ITGB5: variants seen among roughly 807,000 people sequenced by gnomAD.
ITGB5 encodes the protein integrin beta-5.
A neutral mutation model predicts 84.8 loss-of-function variants in ITGB5; 38 were observed. The ratio of observed to expected loss-of-function variants is 0.45; its 90% CI spans 0.35 to 0.59. ITGB5 has a LOEUF of 0.59. Among genes scored for constraint, ITGB5 ranks in the 20% least tolerant of loss-of-function variants. The pLI is 0.01. For missense variants in ITGB5, 905 were observed against 1,034.5 expected, an observed-to-expected ratio of 0.87 and a Z score of 1.72; for synonymous variants, 393 against 414.4, an observed-to-expected ratio of 0.95 and a Z score of 0.63.
At chr3:124,825,014 C>T (rs1006631514) in intron 5 of ITGB5, among the ~76,000 whole-genome samples, 7 of 151,958 alleles carry the variant, frequency 4.6e-5, no homozygotes, top group South Asian at 2.1e-4. Context: ...CTGGCTAACA[C>T]GGTGAAACCC....
At chr3:124,801,176 G>A (rs1185123671) in intron 9 of ITGB5, among the ~76,000 whole-genome samples, 1 of 152,188 alleles carries the variant, frequency 6.6e-6, no homozygotes, top group Non-Finnish European at 1.5e-5. Context: ...CCATGACGGG[G>A]TTCACTGGCT....
At chr3:124,870,333 C>T (rs1396338578) in intron 2 of ITGB5, among the ~76,000 whole-genome samples, 1 of 152,220 alleles carries the variant, frequency 6.6e-6, no homozygotes, top group Non-Finnish European at 1.5e-5. Context: ...TCATGGCCTG[C>T]ACCTAGCAGA....
Position 124,796,569 on chromosome 3 carries a change from C to A in ITGB5, c.1512G>T (p.Glu504Asp). Residue 504 changes from glutamate to aspartate, a missense_variant, in exon 10 of 15, where the codon GAG becomes GAT. Around this residue, in one of 3 missense-constraint regions of ITGB5, gnomAD observed 656 missense variants for 734.7 expected, o/e 0.89. Transcript: ENST00000296181. ...LGTRCECQDGENQSVYQNLCR... is the reference protein window; with the variant it reads ...LGTRCECQDGDNQSVYQNLCR... ...ACAGGTTCTGGTACACGCTCTGGTT[C>A]TCCCCATCCTGGCACTCGCACCTGG... The A allele has an allele frequency of 1.9e-6, 3 of 1,614,156 alleles. No homozygotes were observed. Among genetic ancestry groups the A allele is most frequent in the Non-Finnish European group, 2.5e-6 (3 of 1,180,036 alleles).
intron 8 of ITGB5, among the ~76,000 whole-genome samples, chr3:124,816,145 A>C (rs1035916769): frequency 6.6e-6 from 1 of 152,194 alleles, no homozygotes; most frequent in African/African-American, 2.4e-5. Context: ...AAAACAAGCC[A>C]AAAATCCTCA....
chr3:124,843,376 C>T (rs532123941), intron 4 of ITGB5, among the ~76,000 whole-genome samples: 8 of 152,174 alleles, frequency 5.3e-5, no homozygotes, highest in South Asian at 2.1e-4. Context: ...ACACTTGGTC[C>T]GGTTGGTTGC....
At chr3:124,767,270 C>T (rs532331211) in intron 12 of ITGB5, among the ~76,000 whole-genome samples, 29 of 152,300 alleles carry the variant, frequency 1.9e-4, no homozygotes, top group African/African-American at 5.5e-4. Context: ...TGCTGCTAGA[C>T]GGAGCTGTAA....
At chr3:124,779,753 C>T (rs186506208) in intron 10 of ITGB5, among the ~76,000 whole-genome samples, 1 of 152,224 alleles carries the variant, frequency 6.6e-6, no homozygotes, top group Non-Finnish European at 1.5e-5. Context: ...CTCGCTTAAC[C>T]TCTATAAACC....
intron 6 of ITGB5, 24 bp from the exon 7 acceptor site, chr3:124,819,858 G>A (rs775015282): frequency 2.0e-6 from 3 of 1,528,828 alleles, no homozygotes; most frequent in East Asian, 4.5e-5. Flanking sequence ...AAAAGTCAAG[G>A]CTATGACATT....
chr3:124,846,480 T>C (rs1193709191), intron 4 of ITGB5, among the ~76,000 whole-genome samples: 2 of 149,792 alleles, frequency 1.3e-5, no homozygotes, highest in Non-Finnish European at 3.0e-5. Flanking sequence ...GCCACTGAGA[T>C]TTGGAGACTC....
chr3:124,865,481 CTTTTTTTTTT>C (rs59446328), intron 2 of ITGB5, among the ~76,000 whole-genome samples: 2 of 93,296 alleles, frequency 2.1e-5, no homozygotes, highest in South Asian at 8.3e-4. Flanking sequence ...CGGCTTTTTT[CTTTTTTTTTT>C]TTTTTTTTTT....
intron 2 of ITGB5, among the ~76,000 whole-genome samples, chr3:124,865,787 C>T (rs1223168065): frequency 6.6e-6 from 1 of 150,938 alleles, no homozygotes; most frequent in African/African-American, 2.4e-5. Context: ...CATGCCTGGC[C>T]TTTTGCTGCT....
At chr3:124,846,655 C>T (rs1224798947) in intron 4 of ITGB5, among the ~76,000 whole-genome samples, 4 of 152,216 alleles carry the variant, frequency 2.6e-5, no homozygotes, top group East Asian at 3.9e-4. Flanking sequence ...AAACGCAGGC[C>T]GGATGCAGTG....
chr3:124,839,496 A>G (rs2064983474), intron 5 of ITGB5, among the ~76,000 whole-genome samples: 1 of 152,104 alleles, frequency 6.6e-6, no homozygotes, highest in South Asian at 2.1e-4. Context: ...ATACTCAGAC[A>G]CTGCTTAGGC....
chr3:124,898,636 T>A (rs1579355512), intron 1 of ITGB5, among the ~76,000 whole-genome samples: 1 of 55,490 alleles, frequency 1.8e-5, no homozygotes, highest in Admixed American at 3.1e-4. Context: ...ACAGCGAGAC[T>A]CCGTCTCAAA....
intron 5 of ITGB5, among the ~76,000 whole-genome samples, chr3:124,840,389 T>G (rs890448022): frequency 6.6e-6 from 1 of 152,156 alleles, no homozygotes; most frequent in Non-Finnish European, 1.5e-5. Context: ...AAGAAGAGAC[T>G]CACAGATTTT....
intron 8 of ITGB5, among the ~76,000 whole-genome samples, chr3:124,813,557 G>A (rs757504399): frequency 6.6e-6 from 1 of 152,086 alleles, no homozygotes; most frequent in Non-Finnish European, 1.5e-5. Context: ...TCATCAATTT[G>A]CTAGAATGGC....
chr3:124,838,658 G>C (rs2064970508), intron 5 of ITGB5, among the ~76,000 whole-genome samples: 1 of 151,926 alleles, frequency 6.6e-6, no homozygotes, highest in Admixed American at 6.6e-5. Flanking sequence ...CTGGAGTGCA[G>C]TGGCATGATC....
At chr3:124,894,219 G>C (rs1458942748) in intron 1 of ITGB5, among the ~76,000 whole-genome samples, 1 of 131,768 alleles carries the variant, frequency 7.6e-6, no homozygotes, top group Non-Finnish European at 1.5e-5. Flanking sequence ...TGCAAGCTCC[G>C]CCTCCCAGGT....
At chr3:124,850,221 G>C (rs1039837063) in intron 3 of ITGB5, among the ~76,000 whole-genome samples, 1 of 151,854 alleles carries the variant, frequency 6.6e-6, no homozygotes, top group Non-Finnish European at 1.5e-5. Context: ...AGAATCCAAT[G>C]ATCAAAAGAT....
Sources: allele counts gnomAD v4.1 joint callset (sites outside exome capture counted in the v4.1 genomes callset), GRCh38; gene constraint gnomAD v4.1.1; regional missense constraint gnomAD v4.1.1; transcripts MANE v1.5; gene names NCBI Gene and HGNC (gene_info 2026-07-23, HGNC 2026-07-21).